The following NRCAM variants were observed in gnomAD, a reference collection of about 807,000 sequenced individuals.
The protein encoded by NRCAM is neuronal cell adhesion molecule.
Under a neutral mutation model 156.5 loss-of-function variants are expected in NRCAM, and 83 were observed. The ratio of observed to expected loss-of-function variants is 0.53; its 90% confidence interval spans 0.44 to 0.64. NRCAM has a LOEUF of 0.64. Ranked by LOEUF, NRCAM falls within the 30% of genes least tolerant of loss-of-function variation. NRCAM has a pLI of 0.00. For missense variants in NRCAM, 1,417 were observed against 1,597.3 expected, an observed-to-expected ratio of 0.89 and a Z score of 1.92; for synonymous variants, 538 against 563.9, an observed-to-expected ratio of 0.95 and a Z score of 0.65.
intron 3 of NRCAM, among the ~76,000 whole-genome samples, chr7:108,253,437 G>A (rs924107399): frequency 6.6e-6 from 1 of 152,202 alleles, no homozygotes; most frequent in Non-Finnish European, 1.5e-5. Flanking sequence ...AGGGAGAGAA[G>A]AGGGAAGCCA....
Position 108,184,451 on chromosome 7 carries a change from G to T in NRCAM, c.2199C>A (p.Ser733Arg), listed in dbSNP as rs369062149. 2 of 1,614,010 alleles carry T rather than the reference G, an allele frequency of 1.2e-6. No individual in the cohort carries two copies. Among genetic ancestry groups the T allele is most frequent in the Non-Finnish European group, 1.7e-6 (2 of 1,180,030 alleles). The change falls in exon 21 of 33, where the codon AGC (serine) becomes AGA (arginine). Residue 733 changes from serine to arginine, a missense_variant. Physicochemically the swap from Ser to Arg is moderately radical, Grantham distance 110 (BLOSUM62 -1). Around this residue, in one of 2 missense-constraint regions of NRCAM, gnomAD observed 1,238 missense variants for 1,336.4 expected, o/e 0.93. Coordinates refer to ENST00000379028, the MANE Select transcript of NRCAM (RefSeq NM_001037132.4). ...TCGTCAAATACTGCTCAGACGCCTC[G>T]CTGGGCAAGCTCTTCCCAATGCTGT... ...AVNSIGKSLPSEASEQYLTKA... is the reference protein window; with the variant it reads ...AVNSIGKSLPREASEQYLTKA...
At chr7:108,450,769 G>A (rs920357773) in intron 1 of NRCAM, among the ~76,000 whole-genome samples, 8 of 152,108 alleles carry the variant, frequency 5.3e-5, no homozygotes, top group Admixed American at 6.5e-5. Flanking sequence ...CAACACATAT[G>A]CTCCACAACA....
chr7:108,330,768 T>C (rs1371644910), intron 2 of NRCAM, among the ~76,000 whole-genome samples: 2 of 152,118 alleles, frequency 1.3e-5, no homozygotes, highest in African/African-American at 2.4e-5. Flanking sequence ...AAAATGTAAT[T>C]TGGGGTATCT....
chr7:108,410,476 T>C (rs1305084728), intron 1 of NRCAM, among the ~76,000 whole-genome samples: 1 of 152,216 alleles, frequency 6.6e-6, no homozygotes, highest in Non-Finnish European at 1.5e-5. Flanking sequence ...GTCCTCACTG[T>C]ACATGAAACT....
At chr7:108,407,712 G>A (rs2099811001) in intron 1 of NRCAM, among the ~76,000 whole-genome samples, 1 of 152,194 alleles carries the variant, frequency 6.6e-6, no homozygotes, top group Non-Finnish European at 1.5e-5. Flanking sequence ...GTAGTTCTCA[G>A]CTCTGCTGGA....
At chr7:108,430,410 C>A (rs1304659554) in intron 1 of NRCAM, among the ~76,000 whole-genome samples, 1 of 151,990 alleles carries the variant, frequency 6.6e-6, no homozygotes, top group Non-Finnish European at 1.5e-5. Flanking sequence ...CAGATATATT[C>A]AGAAGGTAGA....
At chr7:108,286,284 A>T (rs955009146) in intron 3 of NRCAM, among the ~76,000 whole-genome samples, 5 of 152,192 alleles carry the variant, frequency 3.3e-5, no homozygotes, top group Non-Finnish European at 7.3e-5. Flanking sequence ...CACTGTGTAG[A>T]GCAGTATTTA....
intron 2 of NRCAM, among the ~76,000 whole-genome samples, chr7:108,359,996 A>T (rs2284288): frequency 0.29 from 44,361 of 152,024 alleles, 6,852 homozygotes; most frequent in East Asian, 0.56. Flanking sequence ...CTTTCGCTCA[A>T]CATGGTTTTT....
At chr7:108,411,908 T>G (rs923882745) in intron 1 of NRCAM, among the ~76,000 whole-genome samples, 1 of 152,180 alleles carries the variant, frequency 6.6e-6, no homozygotes, top group Non-Finnish European at 1.5e-5. Flanking sequence ...CAGTCCACTG[T>G]TGATAGGTAC....
intron 32 of NRCAM, among the ~76,000 whole-genome samples, chr7:108,154,672 A>G (rs997016826): frequency 6.6e-6 from 1 of 152,166 alleles, no homozygotes; most frequent in Non-Finnish European, 1.5e-5. Flanking sequence ...CCAGTCTTTA[A>G]TAAGTGGTGT....
intron 1 of NRCAM, among the ~76,000 whole-genome samples, chr7:108,434,227 G>A (rs1829389481): frequency 6.6e-6 from 1 of 152,164 alleles, no homozygotes; most frequent in Admixed American, 6.5e-5. Flanking sequence ...AACCAGGGCA[G>A]GACAGACTGT....
chr7:108,187,460 T>C lies in NRCAM; in HGVS notation c.2035+2185A>G, dbSNP rs10235073. On this transcript the variant is annotated intron_variant, in intron 20 of 32. Transcript: ENST00000379028. ...TGTGCTCACTGACCTCCCTCCCCTG[T>C]CTTGATTGACACATTCAAATGTTCT... 6.3e-3 allele frequency among the ~76,000 whole-genome samples: 958 copies of C among 152,306 alleles called. 9 individuals carry two copies. The highest frequency in any genetic ancestry group is 0.022 in the African/African-American group (897 of 41,570).
intron 1 of NRCAM, among the ~76,000 whole-genome samples, chr7:108,420,767 G>A (rs867680086): frequency 2.0e-5 from 3 of 152,244 alleles, no homozygotes; most frequent in East Asian, 1.9e-4. Flanking sequence ...CAATTAATGC[G>A]TGCATAACCT....
intron 8 of NRCAM, among the ~76,000 whole-genome samples, chr7:108,230,702 T>C (rs17388872): frequency 0.044 from 6,668 of 151,642 alleles, 201 homozygotes; most frequent in Middle Eastern, 0.075. Context: ...TCTCATTTCC[T>C]TAGGTCTCTG....
intron 2 of NRCAM, among the ~76,000 whole-genome samples, chr7:108,372,555 T>A (rs2099635347): frequency 6.9e-6 from 1 of 144,284 alleles, no homozygotes; most frequent in South Asian, 2.4e-4. Flanking sequence ...AGCAGACATT[T>A]CTCCAAAGAA....
intron 3 of NRCAM, among the ~76,000 whole-genome samples, chr7:108,274,923 T>C (rs2097535887): frequency 6.6e-6 from 1 of 152,108 alleles, no homozygotes; most frequent in South Asian, 2.1e-4. Flanking sequence ...TAATACCTCA[T>C]TTATTGAAAG....
At chr7:108,268,128 C>G (rs1260589915) in intron 3 of NRCAM, among the ~76,000 whole-genome samples, 3 of 152,176 alleles carry the variant, frequency 2.0e-5, no homozygotes, top group Non-Finnish European at 4.4e-5. Context: ...ACACAACATT[C>G]TTGCCATAAG....
intron 1 of NRCAM, among the ~76,000 whole-genome samples, chr7:108,441,328 A>G (rs1223649624): frequency 1.3e-5 from 2 of 152,202 alleles, no homozygotes; most frequent in East Asian, 3.8e-4. Context: ...GCTTTTTGCA[A>G]TCCTATTGAC....
rs939959663 is a variant in NRCAM at position 108,196,659 on chromosome 7, C to T, written c.1352-787G>A. 3.9e-5 allele frequency among the ~76,000 whole-genome samples: 6 copies of T among 151,912 alleles called. No individual in the cohort carries two copies. The South Asian group carries it at 8.3e-4, about 21-fold the overall frequency. ...TATTATATCACACTTATTAGAATGG[C>T]TATTATCAAAAAGAGGAGATCTAAG... On this transcript the variant is annotated intron_variant, in intron 14 of 32. Transcript: ENST00000379028.
Sources: allele counts gnomAD v4.1 joint callset (sites outside exome capture counted in the v4.1 genomes callset), GRCh38; gene constraint gnomAD v4.1.1; regional missense constraint gnomAD v4.1.1; transcripts MANE v1.5; gene names NCBI Gene and HGNC (gene_info 2026-07-23, HGNC 2026-07-21).